Variants in GREB1L observed in about 807,000 individuals in gnomAD.
GREB1L encodes GREB1 like retinoic acid receptor coactivator.
In GREB1L, 17 loss-of-function variants were observed where a neutral mutation model predicts 200.8. The ratio of observed to expected loss-of-function variants is 0.08; its 90% confidence interval spans 0.06 to 0.13. The LOEUF (loss-of-function observed/expected upper bound fraction) is 0.13. Among genes scored for constraint, GREB1L ranks in the 10% least tolerant of loss-of-function variants. The pLI is 1.00. For missense variants in GREB1L, 1,657 were observed against 2,367.7 expected, an observed-to-expected ratio of 0.70 and a Z score of 6.23; for synonymous variants, 789 against 893.0, an observed-to-expected ratio of 0.88 and a Z score of 2.08.
At chr18:21,429,324 C>CTTTCCTTTCTTCT (rs1186052963) in intron 7 of GREB1L, among the ~76,000 whole-genome samples, 2 of 138,922 alleles carry the variant, frequency 1.4e-5, no homozygotes, top group African/African-American at 5.4e-5. Flanking sequence ...TCTCCTCTTC[C>CTTTCCTTTCTTCT]TTTCCTTTCT....
At chr18:21,383,458 A>T (rs1271722456) in intron 2 of GREB1L, 52 bp from the exon 3 acceptor site, 1 of 1,325,488 alleles carries the variant, frequency 7.5e-7, no homozygotes, top group Non-Finnish European at 1.0e-6. Context: ...GAGACATAGA[A>T]CCTCTAATTA....
intron 1 of GREB1L, among the ~76,000 whole-genome samples, chr18:21,294,580 CA>C (rs2038498830): frequency 6.6e-6 from 1 of 151,204 alleles, no homozygotes; most frequent in Non-Finnish European, 1.5e-5. Flanking sequence ...TTGGTAGGGT[CA>C]ATTGTTTAGT....
At chr18:21,443,432 C>T (rs1598848743) in intron 10 of GREB1L, among the ~76,000 whole-genome samples, 1 of 152,270 alleles carries the variant, frequency 6.6e-6, no homozygotes, top group East Asian at 1.9e-4. Context: ...GTCTCAAACT[C>T]CCGACCTCAG....
At chr18:21,428,662 C>G (rs1476367354) in intron 7 of GREB1L, among the ~76,000 whole-genome samples, 2 of 138,670 alleles carry the variant, frequency 1.4e-5, no homozygotes, top group Non-Finnish European at 3.0e-5. Context: ...CGGAGTGTCG[C>G]TGTTGTCGGC....
intron 31 of GREB1L, among the ~76,000 whole-genome samples, chr18:21,520,310 A>G (rs1455662872): frequency 1.3e-5 from 2 of 152,030 alleles, no homozygotes; most frequent in Non-Finnish European, 2.9e-5. Flanking sequence ...GATCAAAAAT[A>G]TTTTTTATTC....
chr18:21,256,167 G>A, intron 1 of GREB1L, among the ~76,000 whole-genome samples: 1 of 152,184 alleles, frequency 6.6e-6, no homozygotes, highest in East Asian at 1.9e-4. Flanking sequence ...ACATAAACTA[G>A]TCAAACTTCT....
chr18:21,294,625 T>C (rs1339196862), intron 1 of GREB1L, among the ~76,000 whole-genome samples: 1 of 150,576 alleles, frequency 6.6e-6, no homozygotes, highest in Non-Finnish European at 1.5e-5. Flanking sequence ...GTATATAATA[T>C]AATAGTTATA....
chr18:21,519,349 G>A (rs1383586732), intron 31 of GREB1L, among the ~76,000 whole-genome samples: 3 of 152,094 alleles, frequency 2.0e-5, no homozygotes, highest in Non-Finnish European at 4.4e-5. Flanking sequence ...TGTAGTCCCA[G>A]CTATTCAAAA....
chr18:21,485,174 A>G (rs1437111161), intron 17 of GREB1L, among the ~76,000 whole-genome samples: 1 of 152,220 alleles, frequency 6.6e-6, no homozygotes, highest in Non-Finnish European at 1.5e-5. Flanking sequence ...TGCAAAGATA[A>G]GCTTTTATGA....
At chr18:21,459,279 C>CTTTTTTTTTTTTTTTTTTT (rs746568414) in intron 15 of GREB1L, among the ~76,000 whole-genome samples, 1 of 85,918 alleles carries the variant, frequency 1.2e-5, no homozygotes, top group Non-Finnish European at 2.1e-5. Context: ...TTTTTCTTTA[C>CTTTTTTTTTTTTTTTTTTT]TTTTTTTTTT....
intron 2 of GREB1L, among the ~76,000 whole-genome samples, chr18:21,382,266 G>A (rs1327770369): frequency 6.6e-6 from 1 of 151,828 alleles, no homozygotes; most frequent in African/African-American, 2.4e-5. Context: ...GCTTGAACCT[G>A]GGAGGCGGAG....
At chr18:21,502,252 A>G (rs1350742702) in intron 23 of GREB1L, among the ~76,000 whole-genome samples, 1 of 146,282 alleles carries the variant, frequency 6.8e-6, no homozygotes, top group Non-Finnish European at 1.5e-5. Flanking sequence ...CTCTGTCTCA[A>G]AAAAAAAAAA....
At chr18:21,453,194 C>T (rs1015560498) in intron 14 of GREB1L, among the ~76,000 whole-genome samples, 4 of 152,172 alleles carry the variant, frequency 2.6e-5, no homozygotes, top group African/African-American at 9.7e-5. Flanking sequence ...AAATAACAGC[C>T]TAACTGTATT....
chr18:21,498,487 GA>G (rs1160477003), intron 21 of GREB1L, among the ~76,000 whole-genome samples: 1 of 152,158 alleles, frequency 6.6e-6, no homozygotes, highest in Admixed American at 6.5e-5. Context: ...GGGGGTGGGG[GA>G]TAACACCTGG....
chr18:21,254,059 A>ACAT (rs2037759869), intron 1 of GREB1L, among the ~76,000 whole-genome samples: 1 of 114,104 alleles, frequency 8.8e-6, no homozygotes, highest in African/African-American at 4.5e-5. Flanking sequence ...GCTTTCAGGC[A>ACAT]TATTTTTTTT....
At chr18:21,429,296 T>C (rs1227262222) in intron 7 of GREB1L, among the ~76,000 whole-genome samples, 6 of 109,736 alleles carry the variant, frequency 5.5e-5, no homozygotes, top group Admixed American at 2.0e-4. Context: ...CCCTCCCCTC[T>C]CCTCTCCTCT....
In GREB1L at chr18:21,366,353, C is replaced by T. The variant is rs536030007; in HGVS notation, c.-10+217C>T. 1.7e-4 allele frequency among the ~76,000 whole-genome samples: 26 copies of T among 152,122 alleles called. 2 individuals are homozygous for T. In the South Asian group the frequency reaches 5.4e-3, roughly 32 times the overall value. The stretch of plus-strand genomic sequence containing the variant: ...CAGAGTTCTTTCTCTACAACAACCC[C>T]TGTATTTCCTATATACCTAAATTAA... On this transcript the variant is annotated intron_variant, in intron 2 of 32. Coordinates refer to ENST00000424526, the MANE Select transcript of GREB1L (RefSeq NM_001142966.3).
intron 2 of GREB1L, among the ~76,000 whole-genome samples, chr18:21,371,247 G>C (rs2039860331): frequency 6.6e-6 from 1 of 152,088 alleles, no homozygotes; most frequent in Admixed American, 6.6e-5. Flanking sequence ...CTTTTGGGCA[G>C]TGCTGTTCTT....
intron 1 of GREB1L, among the ~76,000 whole-genome samples, chr18:21,250,980 A>G (rs1598605250): frequency 6.6e-6 from 1 of 152,160 alleles, no homozygotes; most frequent in Non-Finnish European, 1.5e-5. Context: ...TATATAATCA[A>G]TATTAATAAT....
Sources: gnomAD v4.1 joint callset for allele counts (sites outside exome capture counted in the v4.1 genomes callset) on GRCh38, gnomAD v4.1.1 for gene constraint, MANE v1.5 for transcripts, NCBI Gene and HGNC (gene_info 2026-07-23, HGNC 2026-07-21) for gene names.